ATP8B4: variants seen among roughly 807,000 people sequenced by gnomAD.
ATP8B4 encodes the protein probable phospholipid-transporting ATPase IM.
ATP8B4 carries 133 observed loss-of-function variants against 145.6 expected under a neutral mutation model. The ratio of observed to expected loss-of-function variants is 0.91; its 90% CI spans 0.79 to 1.05. ATP8B4 has a LOEUF of 1.05. Among genes scored for constraint, ATP8B4 ranks in the 50% least tolerant of loss-of-function variants. The probability of loss-of-function intolerance (pLI) is 0.00; values close to 1 mark genes in which losing one functional copy is unlikely to be tolerated. For synonymous variants in ATP8B4, 507 were observed against 492.9 expected (o/e 1.03, Z -0.38); for missense variants, 1,458 against 1,425.2 (o/e 1.02, Z -0.37).
At chr15:50,126,455 A>T (rs1327242561) in intron 1 of ATP8B4, among the ~76,000 whole-genome samples, 2 of 152,112 alleles carry the variant, frequency 1.3e-5, no homozygotes, top group Non-Finnish European at 2.9e-5. Context: ...ATCCCAAGAG[A>T]AGGTTCCTGG....
At chr15:49,889,846 T>C (rs1041015653) in intron 23 of ATP8B4, among the ~76,000 whole-genome samples, 6 of 152,226 alleles carry the variant, frequency 3.9e-5, no homozygotes, top group Non-Finnish European at 5.9e-5. Context: ...CACAATCTGT[T>C]TACATTTGGT....
intron 1 of ATP8B4, among the ~76,000 whole-genome samples, chr15:50,146,161 T>C (rs1013685107): frequency 2.0e-5 from 3 of 152,060 alleles, no homozygotes; most frequent in African/African-American, 7.2e-5. Context: ...TACAGGCGTC[T>C]GCCACCGTGC....
chr15:49,932,014 A>G (rs1227734753), intron 15 of ATP8B4, among the ~76,000 whole-genome samples: 3 of 151,606 alleles, frequency 2.0e-5, no homozygotes, highest in Admixed American at 2.0e-4. Context: ...AGTTTATAAA[A>G]CAGCATATAT....
intron 9 of ATP8B4, among the ~76,000 whole-genome samples, chr15:49,987,887 G>A (rs2046755461): frequency 6.6e-6 from 1 of 152,186 alleles, no homozygotes. Context: ...ATAAAGCAGT[G>A]ACTGTCCTAA....
upstream of ATP8B4, among the ~76,000 whole-genome samples, chr15:50,123,895 A>G (rs1012256453): frequency 5.3e-5 from 8 of 152,086 alleles, no homozygotes; most frequent in Non-Finnish European, 8.8e-5. Context: ...ACACCATAAA[A>G]CAGCATAAAC....
At chr15:50,048,561 A>C (rs914602636) in intron 3 of ATP8B4, among the ~76,000 whole-genome samples, 3 of 152,042 alleles carry the variant, frequency 2.0e-5, no homozygotes. Flanking sequence ...TACAAAAATT[A>C]GCCAGGCATG....
At chr15:50,157,315 C>G (rs1000287348) in intron 1 of ATP8B4, among the ~76,000 whole-genome samples, 4 of 152,136 alleles carry the variant, frequency 2.6e-5, no homozygotes, top group Non-Finnish European at 4.4e-5. Flanking sequence ...AAGAGAGAGA[C>G]TCAGCCTGAG....
chr15:49,952,801 CT>C (rs549026129), intron 14 of ATP8B4, among the ~76,000 whole-genome samples: 6 of 152,074 alleles, frequency 3.9e-5, no homozygotes, highest in East Asian at 1.9e-4. Context: ...GTTTTCAGCA[CT>C]TTTTTTTGTT....
At chr15:49,904,108 G>C (rs2038351303) in intron 20 of ATP8B4, among the ~76,000 whole-genome samples, 1 of 152,094 alleles carries the variant, frequency 6.6e-6, no homozygotes, top group African/African-American at 2.4e-5. Flanking sequence ...TCCATGGCTG[G>C]AACCTACGTC....
intron 3 of ATP8B4, among the ~76,000 whole-genome samples, chr15:50,055,984 A>T (rs1170599710): frequency 6.6e-6 from 1 of 152,124 alleles, no homozygotes; most frequent in Non-Finnish European, 1.5e-5. Flanking sequence ...ACAGCTTTCC[A>T]GGATAGGGGC....
intron 1 of ATP8B4, among the ~76,000 whole-genome samples, chr15:50,151,672 C>T (rs8042084): frequency 0.057 from 8,394 of 147,318 alleles, 258 homozygotes; most frequent in African/African-American, 0.087. Context: ...ATCACTTAAG[C>T]CCAGGATGTG....
At chr15:50,078,754 C>T (rs1433519246) in intron 2 of ATP8B4, among the ~76,000 whole-genome samples, 1 of 151,598 alleles carries the variant, frequency 6.6e-6, no homozygotes, top group African/African-American at 2.4e-5. Flanking sequence ...CCAAAAACTT[C>T]CAAAAGAAAA....
chr15:50,087,513 T>C (rs1348653602), intron 2 of ATP8B4, among the ~76,000 whole-genome samples: 3 of 150,496 alleles, frequency 2.0e-5, no homozygotes, highest in African/African-American at 7.3e-5. Context: ...AATACATGTA[T>C]GACATGATAT....
chr15:50,047,468 GA>G lies in ATP8B4; in HGVS notation c.88-5del. 6.7e-7 allele frequency: 1 copy of G among 1,502,684 alleles called. No homozygotes were observed. The highest frequency in any genetic ancestry group is 1.1e-5 in the South Asian group (1 of 88,632). 93.1% of individuals were successfully genotyped at this position (1,502,684 alleles called of 1,614,324 possible). A position where few individuals can be genotyped will look rare whatever the true frequency, so the allele number is the denominator to read the frequency against. The stretch of plus-strand genomic sequence containing the variant: ...TCGATGTGTGGATACGATTATCCTG[GA>G]AAAGAAATAGCATCATGTTAGTTTG... On this transcript the variant is annotated splice_region_variant and splice_polypyrimidine_tract_variant and intron_variant, in intron 3 of 27. Transcript: ENST00000284509.
chr15:49,955,498 A>G (rs1213540842), intron 14 of ATP8B4, among the ~76,000 whole-genome samples: 2 of 152,192 alleles, frequency 1.3e-5, no homozygotes, highest in Non-Finnish European at 2.9e-5. Flanking sequence ...TAAAAATAAA[A>G]CTACCATACT....
At chr15:50,072,652 C>G (rs569691562) in intron 3 of ATP8B4, among the ~76,000 whole-genome samples, 1 of 151,624 alleles carries the variant, frequency 6.6e-6, no homozygotes, top group Admixed American at 6.6e-5. Context: ...GATGGAGTCT[C>G]CCTCTGTCAC....
At chr15:50,135,722 T>A (rs769348889) in intron 1 of ATP8B4, among the ~76,000 whole-genome samples, 9 of 152,200 alleles carry the variant, frequency 5.9e-5, no homozygotes, top group Non-Finnish European at 1.0e-4. Context: ...AAACCTGACA[T>A]ACATAAAACT....
intron 25 of ATP8B4, among the ~76,000 whole-genome samples, chr15:49,867,329 A>T (rs1335106177): frequency 6.6e-6 from 1 of 152,230 alleles, no homozygotes; most frequent in Non-Finnish European, 1.5e-5. Flanking sequence ...CTTAGTAAAT[A>T]GATCCCTCTC....
chr15:49,879,101 G>A (rs542420644), intron 24 of ATP8B4, among the ~76,000 whole-genome samples: 16 of 152,316 alleles, frequency 1.1e-4, no homozygotes, highest in Middle Eastern at 3.4e-3. Context: ...AGATTACTTC[G>A]TACAGGACTT....
Sources: gnomAD v4.1 joint callset for allele counts (sites outside exome capture counted in the v4.1 genomes callset) on GRCh38, gnomAD v4.1.1 for gene constraint, MANE v1.5 for transcripts, NCBI Gene and HGNC (gene_info 2026-07-23, HGNC 2026-07-21) for gene names.